The following GHRH variants were observed in gnomAD, a reference collection of about 807,000 sequenced individuals.
GHRH encodes the protein somatoliberin.
Under a neutral mutation model 15.6 loss-of-function variants are expected in GHRH, and 7 were observed. That is an observed-to-expected ratio of 0.45 (90% CI 0.26 to 0.84). The LOEUF (loss-of-function observed/expected upper bound fraction) is 0.84. Among genes scored for constraint, GHRH ranks in the 40% least tolerant of loss-of-function variants. The pLI is 0.18. For missense variants in GHRH, 117 were observed against 138.0 expected (o/e 0.85, Z 0.76); for synonymous variants, 54 against 50.4 (o/e 1.07, Z -0.30).
At chr20:37,257,121 T>C (rs1396574279) in intron 1 of GHRH, among the ~76,000 whole-genome samples, 1 of 152,164 alleles carries the variant, frequency 6.6e-6, no homozygotes, top group East Asian at 1.9e-4. Context: ...ATTTTCTCCA[T>C]CTGTAGAATG....
At chr20:37,253,463 G>A (rs1046912569) in intron 4 of GHRH, among the ~76,000 whole-genome samples, 29 of 152,188 alleles carry the variant, frequency 1.9e-4, no homozygotes, top group South Asian at 4.1e-4. Flanking sequence ...GTCGTATCAC[G>A]GAACCATTTG....
At chr20:37,251,449 G>A (rs1009475038) in intron 4 of GHRH, among the ~76,000 whole-genome samples, 92 of 152,004 alleles carry the variant, frequency 6.1e-4, no homozygotes, top group African/African-American at 2.1e-3. Context: ...AACTCCCACC[G>A]AGACCCTGGG....
chr20:37,259,853 C>T (rs1006194844), intron 1 of GHRH, among the ~76,000 whole-genome samples: 1 of 152,228 alleles, frequency 6.6e-6, no homozygotes, highest in Admixed American at 6.5e-5. Context: ...GACTTCCTTC[C>T]GCTCCATGCA....
chr20:37,257,588 C>T (rs1411049364), intron 1 of GHRH, among the ~76,000 whole-genome samples: 1 of 151,796 alleles, frequency 6.6e-6, no homozygotes, highest in Non-Finnish European at 1.5e-5. Context: ...GGTCAAAGAA[C>T]CTTCTCTCAG....
intron 3 of GHRH, among the ~76,000 whole-genome samples, chr20:37,256,140 T>C (rs1443897034): frequency 6.6e-6 from 1 of 152,226 alleles, no homozygotes; most frequent in Admixed American, 6.5e-5. Flanking sequence ...GCCTTTGTTT[T>C]TGGCATGGAG....
chr20:37,251,104 TG>T lies in GHRH; in HGVS notation c.*108del, dbSNP rs2068618402. On this transcript the variant is annotated 3_prime_UTR_variant, in exon 5 of 5. Coordinates refer to ENST00000373614, the MANE Select transcript of GHRH (RefSeq NM_021081.6). ...AAGAACATTTAAATGCACACCGGTA[TG>T]GGGGAATTTTATTGTATTTTCAAAG... The T allele has an allele frequency of 1.5e-6, 1 of 670,938 alleles. No homozygotes were observed. Among genetic ancestry groups the T allele is most frequent in the East Asian group, 2.9e-5 (1 of 34,072 alleles). The allele number at this position is 670,938 out of a possible 1,614,324, so 41.6% of individuals were successfully genotyped here.
At chr20:37,261,526 C>T (rs1355367319) in intron 1 of GHRH, among the ~76,000 whole-genome samples, 1 of 152,180 alleles carries the variant, frequency 6.6e-6, no homozygotes, top group African/African-American at 2.4e-5. Context: ...CGCCACGCGC[C>T]CAAGTTAAGA....
intron 1 of GHRH, among the ~76,000 whole-genome samples, chr20:37,259,236 G>A (rs549292367): frequency 2.0e-5 from 3 of 152,284 alleles, no homozygotes; most frequent in South Asian, 2.1e-4. Context: ...ACAGCCACAC[G>A]ACTGGTCCTT....
At chr20:37,260,343 T>C (rs1374260708) in intron 1 of GHRH, among the ~76,000 whole-genome samples, 1 of 151,184 alleles carries the variant, frequency 6.6e-6, no homozygotes, top group Non-Finnish European at 1.5e-5. Flanking sequence ...ATAGAGGTTA[T>C]GTCACTAAGG....
intron 3 of GHRH, 36 bp from the exon 4 acceptor site, chr20:37,254,365 G>T (rs1415123118): frequency 1.2e-6 from 2 of 1,613,208 alleles, no homozygotes; most frequent in Admixed American, 1.7e-5. Flanking sequence ...GTTGCTATTT[G>T]GGTAGGATGT....
intron 1 of GHRH, among the ~76,000 whole-genome samples, chr20:37,260,631 A>C (rs895853657): frequency 1.3e-5 from 2 of 152,178 alleles, no homozygotes; most frequent in African/African-American, 4.8e-5. Flanking sequence ...CCACATGACA[A>C]CTTAAGGAGT....
intron 1 of GHRH, among the ~76,000 whole-genome samples, chr20:37,260,388 C>T (rs1297235623): frequency 6.7e-6 from 1 of 148,790 alleles, no homozygotes; most frequent in Non-Finnish European, 1.5e-5. Context: ...CATGGCGAGA[C>T]CCCATCTCTA....
intron 4 of GHRH, among the ~76,000 whole-genome samples, chr20:37,251,589 G>A (rs962296224): frequency 2.0e-5 from 3 of 152,226 alleles, no homozygotes; most frequent in African/African-American, 7.2e-5. Flanking sequence ...GTACAAGAAC[G>A]TGTCTAGTTC....
rs186798921 is a variant in GHRH at position 37,257,422 on chromosome 20, C to T, written c.-19-514G>A. Among the ~76,000 whole-genome samples, 479 of 150,458 alleles carry T rather than the reference C, an allele frequency of 3.2e-3. 2 individuals carry two copies. The highest frequency in any genetic ancestry group is 0.01 in the African/African-American group (426 of 40,874). The stretch of plus-strand genomic sequence containing the variant: ...CCCAGCTACTCAGGAGGTTGAGGCA[C>T]GAGAATCCCTTGAACCCAGGAGGTG... On this transcript the variant is annotated intron_variant, in intron 1 of 4. Transcript: ENST00000373614.
chr20:37,254,128 G>A lies in GHRH; in HGVS notation c.308+82C>T. On this transcript the variant is annotated intron_variant, in intron 4 of 4. Coordinates refer to ENST00000373614, the MANE Select transcript of GHRH (RefSeq NM_021081.6). ...CAGAGCCCCATACCTTCAGAGAGGA[G>A]TGGATTTTTTCCTTTTCCTGGCAAA... The A allele has an allele frequency of 2.1e-6, 3 of 1,447,536 alleles. No homozygotes were observed. In the South Asian group the frequency reaches 3.5e-5, roughly 17 times the overall value. 89.7% of individuals were successfully genotyped at this position (1,447,536 alleles called of 1,614,324 possible). A position where few individuals can be genotyped will look rare whatever the true frequency, so the allele number is the denominator to read the frequency against.
chr20:37,254,150 C>G, intron 4 of GHRH, 60 bp downstream of exon 4: 1 of 1,599,532 alleles, frequency 6.3e-7, no homozygotes, highest in Non-Finnish European at 8.6e-7. Flanking sequence ...CTTTTCCTGG[C>G]AAACCACGGG....
intron 3 of GHRH, among the ~76,000 whole-genome samples, chr20:37,255,660 CAAAAAAAAAAAAA>C (rs61126074): frequency 1.4e-4 from 2 of 14,710 alleles, no homozygotes; most frequent in Non-Finnish European, 2.7e-4. Flanking sequence ...GACTCCATCT[CAAAAAAAAAAAAA>C]AAAAAAAAAA....
rs201362037 is a variant in GHRH, at chr20:37,254,196, A to T, written c.308+14T>A. On this transcript the variant is annotated intron_variant, in intron 4 of 4. Coordinates refer to ENST00000373614, the MANE Select transcript of GHRH (RefSeq NM_021081.6). The stretch of plus-strand genomic sequence containing the variant: ...CTGAAGTCCCTAGATGCACCCATGC[A>T]CACACACCCATACCTGTGCTTCTGC... 3.1e-6 allele frequency: 5 copies of T among 1,614,020 alleles called. No individual in the cohort carries two copies. Among genetic ancestry groups the T allele is most frequent in the Middle Eastern group, 3.3e-4 (2 of 6,044 alleles).
At chr20:37,256,287 C>T in intron 3 of GHRH, 107 bp downstream of exon 3, 1 of 630,320 alleles carries the variant, frequency 1.6e-6, no homozygotes. Context: ...ATGACACTTG[C>T]TGTGCCAAGG....
Sources: allele counts gnomAD v4.1 joint callset (sites outside exome capture counted in the v4.1 genomes callset), GRCh38; gene constraint gnomAD v4.1.1; transcripts MANE v1.5; gene names NCBI Gene and HGNC (gene_info 2026-07-23, HGNC 2026-07-21).